The following KAZN variants were observed in gnomAD, a reference collection of about 807,000 sequenced individuals.
KAZN encodes kazrin.
A neutral mutation model predicts 87.4 loss-of-function variants in KAZN; 40 were observed. The observed-to-expected ratio is 0.46, with a 90% confidence interval of 0.36 to 0.60. KAZN has a LOEUF of 0.60. Among genes scored for constraint, KAZN ranks in the 20% least tolerant of loss-of-function variants. KAZN has a pLI of 0.00. For synonymous variants in KAZN, 466 were observed against 458.3 expected, an observed-to-expected ratio of 1.02 and a Z score of -0.22; for missense variants, 898 against 1,073.9, an observed-to-expected ratio of 0.84 and a Z score of 2.29.
At chr1:14,245,134 T>A (rs1649375380) in intron 2 of KAZN, among the ~76,000 whole-genome samples, 1 of 151,954 alleles carries the variant, frequency 6.6e-6, no homozygotes, top group South Asian at 2.1e-4. Context: ...CTGATTTTTG[T>A]ATATTTTTTT....
At chr1:14,282,047 A>G (rs539819483) in intron 2 of KAZN, among the ~76,000 whole-genome samples, 2 of 152,346 alleles carry the variant, frequency 1.3e-5, no homozygotes, top group Admixed American at 1.3e-4. Flanking sequence ...TACATATAGT[A>G]TAGTGAATTT....
intron 2 of KAZN, among the ~76,000 whole-genome samples, chr1:14,455,898 A>C (rs571149723): frequency 6.6e-6 from 1 of 152,340 alleles, no homozygotes; most frequent in East Asian, 1.9e-4. Context: ...TTGCTGAAAA[A>C]GAAATGTCCC....
chr1:14,590,012 G>T (rs984617926), intron 2 of KAZN, among the ~76,000 whole-genome samples: 1 of 151,998 alleles, frequency 6.6e-6, no homozygotes, highest in Non-Finnish European at 1.5e-5. Context: ...GCAAAGTAGG[G>T]CGATAAAGGC....
chr1:14,785,455 A>G (rs1333145478), intron 1 of KAZN, among the ~76,000 whole-genome samples: 2 of 152,166 alleles, frequency 1.3e-5, no homozygotes, highest in Non-Finnish European at 2.9e-5. Context: ...TGTGGACAGA[A>G]TGGATACCTC....
At chr1:14,023,920 C>G (rs559151882) in intron 1 of KAZN, among the ~76,000 whole-genome samples, 1 of 152,150 alleles carries the variant, frequency 6.6e-6, no homozygotes, top group African/African-American at 2.4e-5. Context: ...AGAGGTTCAC[C>G]AGACCCAGCT....
At chr1:15,106,563 T>C (rs907735663) in intron 13 of KAZN, among the ~76,000 whole-genome samples, 1 of 151,948 alleles carries the variant, frequency 6.6e-6, no homozygotes, top group Non-Finnish European at 1.5e-5. Context: ...TGGGGACAAA[T>C]AGGGTGGGTT....
In KAZN at chr1:14,735,672, G is replaced by A. The variant is rs1643879696; in HGVS notation, c.226+136449G>A. Reference sequence around the variant, plus strand: ...GCAGGAGACACACAAGCTACTTACCGGCCAGTTTCCATTACTCTCCCGACC... The same window carrying A: ...GCAGGAGACACACAAGCTACTTACCAGCCAGTTTCCATTACTCTCCCGACC... On this transcript the variant is annotated intron_variant, in intron 1 of 14. Transcript: ENST00000376030. This position sits in a 1 kb window ranked among gnomAD's most constrained non-coding sequence, Gnocchi z 4.3. Among the ~76,000 whole-genome samples the A allele has an allele frequency of 6.6e-6, 1 of 152,164 alleles. No homozygotes were observed. The highest frequency in any genetic ancestry group is 1.5e-5 in the Non-Finnish European group (1 of 68,040).
intron 1 of KAZN, among the ~76,000 whole-genome samples, chr1:14,109,296 G>A (rs954620869): frequency 6.6e-6 from 1 of 152,200 alleles, no homozygotes; most frequent in Non-Finnish European, 1.5e-5. Context: ...GTAGCCCTTA[G>A]TATTGGCAAT....
rs1641850603 is a variant in KAZN, at chr1:15,116,575, A to T, written c.*1940A>T. 6.6e-6 allele frequency: 1 copy of T among 152,236 alleles called. No individual in the cohort carries two copies. The highest frequency in any genetic ancestry group is 6.5e-5 in the Admixed American group (1 of 15,276). The allele number at this position is 152,236 out of a possible 1,614,324, so 9.4% of individuals were successfully genotyped here. Reference sequence around the variant, plus strand: ...CTCATCCATAGGGTCCTGAAGCTGCAGTCCACAGCTCAGAAAGGAGAGGTG... The same window carrying T: ...CTCATCCATAGGGTCCTGAAGCTGCTGTCCACAGCTCAGAAAGGAGAGGTG... On this transcript the variant is annotated 3_prime_UTR_variant, in exon 15 of 15. Coordinates refer to ENST00000376030, the MANE Select transcript of KAZN (RefSeq NM_201628.3).
At chr1:14,115,494 T>C (rs187907813) in intron 1 of KAZN, among the ~76,000 whole-genome samples, 4 of 152,364 alleles carry the variant, frequency 2.6e-5, no homozygotes, top group Non-Finnish European at 5.9e-5. Context: ...CTTCTTCTCT[T>C]TGCTGCTATG....
At chr1:14,389,503 G>C (rs557364870) in intron 2 of KAZN, among the ~76,000 whole-genome samples, 91 of 152,214 alleles carry the variant, frequency 6.0e-4, no homozygotes, top group South Asian at 1.2e-3. Context: ...CATACACAAT[G>C]GAGTACTATT....
chr1:14,027,955 A>G (rs1334223310), intron 1 of KAZN, among the ~76,000 whole-genome samples: 1 of 152,176 alleles, frequency 6.6e-6, no homozygotes, highest in Non-Finnish European at 1.5e-5. Flanking sequence ...AAATGAGCCA[A>G]CTTTTGCCTT....
At chr1:14,738,577 C>T (rs1349747066) in intron 1 of KAZN, among the ~76,000 whole-genome samples, 7 of 152,002 alleles carry the variant, frequency 4.6e-5, no homozygotes, top group Non-Finnish European at 7.4e-5. Flanking sequence ...TTCTGACCAC[C>T]GGAGTTGATT....
At chr1:14,958,110 C>T (rs1663372497) in intron 1 of KAZN, among the ~76,000 whole-genome samples, 1 of 152,214 alleles carries the variant, frequency 6.6e-6, no homozygotes, top group South Asian at 2.1e-4. Flanking sequence ...TCTGCCTGCT[C>T]CCTCCCCTGG....
At chr1:14,271,270 G>T (rs1007746425) in intron 2 of KAZN, among the ~76,000 whole-genome samples, 2 of 152,118 alleles carry the variant, frequency 1.3e-5, no homozygotes, top group African/African-American at 4.8e-5. Context: ...AAATATAGTT[G>T]TATTCTGAGG....
At chr1:14,798,583 C>T (rs1490618153) in intron 1 of KAZN, among the ~76,000 whole-genome samples, 1 of 149,022 alleles carries the variant, frequency 6.7e-6, no homozygotes, top group Non-Finnish European at 1.5e-5. Context: ...TACAGGCGCC[C>T]GCCACCACAC....
At chr1:15,111,210 C>A (rs1641600825) in intron 13 of KAZN, among the ~76,000 whole-genome samples, 1 of 152,106 alleles carries the variant, frequency 6.6e-6, no homozygotes, top group Non-Finnish European at 1.5e-5. Flanking sequence ...GCAAAATTTG[C>A]CCCAGAAGAA....
chr1:14,345,715 T>A (rs1469206708), intron 2 of KAZN, among the ~76,000 whole-genome samples: 2 of 152,154 alleles, frequency 1.3e-5, no homozygotes, highest in East Asian at 3.8e-4. Flanking sequence ...ATTTGTTTTT[T>A]AAAAAAATAA....
intron 2 of KAZN, among the ~76,000 whole-genome samples, chr1:14,425,848 G>A (rs1665692039): frequency 6.6e-6 from 1 of 152,152 alleles, no homozygotes; most frequent in South Asian, 2.1e-4. Context: ...TAGTGGGGGT[G>A]GAAATGAGAT....
Sources: gnomAD v4.1 joint callset for allele counts (sites outside exome capture counted in the v4.1 genomes callset) on GRCh38, gnomAD v4.1.1 for gene constraint, Gnocchi (gnomAD v3.1) non-coding constraint, MANE v1.5 for transcripts, NCBI Gene and HGNC (gene_info 2026-07-23, HGNC 2026-07-21) for gene names.